PPM1A: variants seen among roughly 807,000 people sequenced by gnomAD.
The protein encoded by PPM1A is protein phosphatase, Mg2+/Mn2+ dependent 1A.
Under a neutral mutation model 35.0 loss-of-function variants are expected in PPM1A, and 7 were observed. The observed-to-expected ratio is 0.20, with a 90% CI of 0.11 to 0.38. The LOEUF (loss-of-function observed/expected upper bound fraction) is 0.38, where lower values mean the gene tolerates loss of function less well. Ranked by LOEUF, PPM1A falls within the 10% of genes least tolerant of loss-of-function variation. PPM1A has a pLI of 1.00. For synonymous variants in PPM1A, 153 were observed against 167.3 expected (o/e 0.91, Z 0.66); for missense variants, 239 against 467.8 (o/e 0.51, Z 4.51).
intron 2 of PPM1A, among the ~76,000 whole-genome samples, chr14:60,284,687 A>G (rs1248541457): frequency 1.6e-5 from 2 of 122,952 alleles, no homozygotes; most frequent in South Asian, 4.8e-4. Flanking sequence ...GCGTATGTAT[A>G]TATATATATA....
intron 1 of PPM1A, among the ~76,000 whole-genome samples, chr14:60,271,305 A>G (rs1037547010): frequency 6.6e-5 from 10 of 152,324 alleles, no homozygotes; most frequent in Admixed American, 6.5e-4. Context: ...TCCTCTCTCC[A>G]TCTCAAGATT....
At position 60,297,072 on chromosome 14, in the gene PPM1A, A is replaced by T. The variant is rs568297266; in HGVS notation, c.*4590A>T. 1.1e-4 allele frequency: 17 copies of T among 159,914 alleles called. No individual in the cohort carries two copies. The highest frequency in any genetic ancestry group is 1.3e-4 in the Admixed American group (2 of 15,486). 9.9% of individuals were successfully genotyped at this position (159,914 alleles called of 1,614,324 possible). A position where few individuals can be genotyped will look rare whatever the true frequency, so the allele number is the denominator to read the frequency against. ...ACAAAGTGGACTTTTTTTCTTCCTT[A>T]TCCTGCACGAAATATTGCCCTTGTT... On this transcript the variant is annotated 3_prime_UTR_variant, in exon 6 of 6. Transcript: ENST00000395076.
Position 60,286,581 on chromosome 14 carries a change from G to A in PPM1A, c.952+840G>A, listed in dbSNP as rs775136954. 21 of 985,208 alleles carry A rather than the reference G, an allele frequency of 2.1e-5. 1 individual carries two copies. Among genetic ancestry groups the A allele is most frequent in the African/African-American group, 1.2e-4 (7 of 57,302 alleles). The allele number at this position is 985,208 out of a possible 1,614,324, so 61.0% of individuals were successfully genotyped here. A position where few individuals can be genotyped will look rare whatever the true frequency, so the allele number is the denominator to read the frequency against. On this transcript the variant is annotated intron_variant, in intron 3 of 5. Coordinates refer to ENST00000395076, the MANE Select transcript of PPM1A (RefSeq NM_021003.5). ...AAATGCATTTTAGGCTCCTAATGTCGTTAATTTGCACGTTAAAGACCTCTA... is the reference window on the plus strand; with the variant it reads ...AAATGCATTTTAGGCTCCTAATGTCATTAATTTGCACGTTAAAGACCTCTA...
chr14:60,292,119 A>G lies in PPM1A; in HGVS notation c.1120-334A>G, dbSNP rs1887689940. 6.6e-6 allele frequency among the ~76,000 whole-genome samples: 1 copy of G among 152,138 alleles called. No individual in the cohort carries two copies. The highest frequency in any genetic ancestry group is 6.6e-5 in the Admixed American group (1 of 15,264). ...TTCTTAATCTTTTCTGATGCATTAA[A>G]GGTTTATAAAAGTGGTATTCTAAAA... On this transcript the variant is annotated intron_variant, in intron 5 of 5. Coordinates refer to ENST00000395076, the MANE Select transcript of PPM1A (RefSeq NM_021003.5). This position sits in a 1 kb window ranked among gnomAD's most constrained non-coding sequence, Gnocchi z 4.2.
chr14:60,282,634 ATTT>A lies in PPM1A; in HGVS notation c.-20-48_-20-46del. ...TTATTAAAAAGATTGTTTGGTACAT[ATTT>A]TGTTTATAAGACAGTTATTGACTTT... On this transcript the variant is annotated intron_variant, in intron 1 of 5. Coordinates refer to ENST00000395076, the MANE Select transcript of PPM1A (RefSeq NM_021003.5). The surrounding 1 kb of genome is among the most constrained non-coding windows in gnomAD (Gnocchi z 5.1). The A allele has an allele frequency of 6.4e-7, 1 of 1,566,708 alleles. No homozygotes were observed. Among genetic ancestry groups the A allele is most frequent in the Non-Finnish European group, 8.7e-7 (1 of 1,155,882 alleles).
chr14:60,255,241 G>A (rs376043845), intron 1 of PPM1A, among the ~76,000 whole-genome samples: 4 of 138,518 alleles, frequency 2.9e-5, no homozygotes, highest in South Asian at 2.3e-4. Context: ...GCGCGATCTC[G>A]GCTCACTGCA....
chr14:60,262,565 T>G (rs1883868932), intron 1 of PPM1A, among the ~76,000 whole-genome samples: 1 of 152,116 alleles, frequency 6.6e-6, no homozygotes, highest in South Asian at 2.1e-4. Flanking sequence ...ACATCTATAC[T>G]CCCAGCTACT....
chr14:60,277,154 T>G, intron 1 of PPM1A: 2 of 578,090 alleles, frequency 3.5e-6, no homozygotes, highest in Non-Finnish European at 4.8e-6. Context: ...TGAATCCCCT[T>G]GGGATTTACT....
chr14:60,275,544 T>TG (rs1566590236), intron 1 of PPM1A, among the ~76,000 whole-genome samples: 1 of 152,198 alleles, frequency 6.6e-6, no homozygotes, highest in African/African-American at 2.4e-5. Context: ...TGGAGTGCAG[T>TG]GGCACCATTA....
chr14:60,247,750 C>T (rs998533746), upstream of PPM1A, among the ~76,000 whole-genome samples: 5 of 151,484 alleles, frequency 3.3e-5, no homozygotes, highest in Non-Finnish European at 7.4e-5. Context: ...TTGCTGAATG[C>T]CAGAAAGAAT....
upstream of PPM1A, among the ~76,000 whole-genome samples, chr14:60,247,627 C>CAAAAAA (rs58749853): frequency 2.8e-4 from 14 of 50,172 alleles, no homozygotes; most frequent in African/African-American, 9.6e-4. Flanking sequence ...GACTCTGTCT[C>CAAAAAA]AAAAAAAAAA....
intron 1 of PPM1A, among the ~76,000 whole-genome samples, chr14:60,258,776 A>G (rs534914774): frequency 6.6e-6 from 1 of 152,224 alleles, no homozygotes; most frequent in South Asian, 2.1e-4. Context: ...CCAAGGTATA[A>G]TGGCTGTTAT....
At chr14:60,255,059 T>A (rs1882894152) in intron 1 of PPM1A, among the ~76,000 whole-genome samples, 1 of 152,156 alleles carries the variant, frequency 6.6e-6, no homozygotes, top group South Asian at 2.1e-4. Flanking sequence ...AGCTCATTTC[T>A]AATATTTCTT....
At chr14:60,285,479 T>G in intron 2 of PPM1A, 145 bp from the exon 3 acceptor site, 1 of 710,334 alleles carries the variant, frequency 1.4e-6, no homozygotes, top group Non-Finnish European at 2.1e-6. Context: ...CACGCACGCA[T>G]GCGTGCACAT....
Position 60,296,059 on chromosome 14 carries a change from A to G in PPM1A, c.*3577A>G, listed in dbSNP as rs1435714709. The G allele has an allele frequency of 2.0e-5, 3 of 151,682 alleles. No homozygotes were observed. Among genetic ancestry groups the G allele is most frequent in the Non-Finnish European group, 4.4e-5 (3 of 67,652 alleles). 9.4% of individuals were successfully genotyped at this position (151,682 alleles called of 1,614,324 possible). On this transcript the variant is annotated 3_prime_UTR_variant, in exon 6 of 6. Coordinates refer to ENST00000395076, the MANE Select transcript of PPM1A (RefSeq NM_021003.5). This position sits in a 1 kb window ranked among gnomAD's most constrained non-coding sequence, Gnocchi z 4.4. ...GAGGAATAGGTAGTAGATTTCTGAAAATTATCCAGCCATGGAAATGTAGGT... is the reference window on the plus strand; with the variant it reads ...GAGGAATAGGTAGTAGATTTCTGAAGATTATCCAGCCATGGAAATGTAGGT...
chr14:60,271,209 A>T, intron 1 of PPM1A, among the ~76,000 whole-genome samples: 1 of 151,886 alleles, frequency 6.6e-6, no homozygotes, highest in Non-Finnish European at 1.5e-5. Flanking sequence ...TCTTCACATC[A>T]CCTTCTCTGT....
Position 60,283,495 on chromosome 14 carries a change from T to C in PPM1A, c.792T>C (p.Leu264=), listed in dbSNP as rs774970758. Reference sequence around the variant, plus strand: ...CCAGACTTGAAGTCACTGATGACCTTGAGAAAGTTTGCAATGAAGTAGTCG... The same window carrying C: ...CCAGACTTGAAGTCACTGATGACCTCGAGAAAGTTTGCAATGAAGTAGTCG... ...VRSRLEVTDD[L]EKVCNEVVDT... is the part of the protein sequence containing the mutation. Residue 264 remains leucine (L), a synonymous_variant, in exon 2 of 6, where the codon CTT becomes CTC. Transcript: ENST00000395076. The surrounding 1 kb of genome is among the most constrained non-coding windows in gnomAD (Gnocchi z 6.3). 2.5e-6 allele frequency: 4 copies of C among 1,613,342 alleles called. No homozygotes were observed. The Admixed American group carries it at 6.7e-5, about 27-fold the overall frequency.
At position 60,283,650 on chromosome 14, in the gene PPM1A, T is replaced by A; in HGVS notation, c.834+113T>A. ...CTGAAACCAGTTTTTGGCACAACTG[T>A]AGGATACTGTTCACCAATTATGAAA... is the stretch of plus-strand genomic sequence containing the variant. On this transcript the variant is annotated intron_variant, in intron 2 of 5. Coordinates refer to ENST00000395076, the MANE Select transcript of PPM1A (RefSeq NM_021003.5). The surrounding 1 kb of genome is among the most constrained non-coding windows in gnomAD (Gnocchi z 6.3). 9.9e-7 allele frequency: 1 copy of A among 1,006,764 alleles called. No homozygotes were observed. Among genetic ancestry groups the A allele is most frequent in the Non-Finnish European group, 1.4e-6 (1 of 698,620 alleles). The allele number at this position is 1,006,764 out of a possible 1,614,324, so 62.4% of individuals were successfully genotyped here. A position where few individuals can be genotyped will look rare whatever the true frequency, so the allele number is the denominator to read the frequency against.
At position 60,289,026 on chromosome 14, in the gene PPM1A, A is replaced by G. The variant is rs1324011426; in HGVS notation, c.953-780A>G. Among the ~76,000 whole-genome samples, 2 of 152,160 alleles carry G rather than the reference A, an allele frequency of 1.3e-5. No individual in the cohort carries two copies. The highest frequency in any genetic ancestry group is 4.8e-5 in the African/African-American group (2 of 41,468). ...GATGTGAATAATAGTATGCATCTGC[A>G]TGACAACACTGCAGATCATATTGCT... On this transcript the variant is annotated intron_variant, in intron 3 of 5. Transcript: ENST00000395076. The surrounding 1 kb of genome is among the most constrained non-coding windows in gnomAD (Gnocchi z 4.1).
Sources: allele counts gnomAD v4.1 joint callset (sites outside exome capture counted in the v4.1 genomes callset), GRCh38; gene constraint gnomAD v4.1.1; non-coding constraint Gnocchi (gnomAD v3.1); transcripts MANE v1.5; gene names NCBI Gene and HGNC (gene_info 2026-07-23, HGNC 2026-07-21).